The following KLRG1 variants were observed in gnomAD, a reference collection of about 807,000 sequenced individuals.
The protein encoded by KLRG1 is killer cell lectin like receptor G1.
A neutral mutation model predicts 21.8 loss-of-function variants in KLRG1; 16 were observed. The ratio of observed to expected loss-of-function variants is 0.73; its 90% CI spans 0.50 to 1.11. KLRG1 has a LOEUF of 1.11. Among genes scored for constraint, KLRG1 ranks in the 50% most tolerant of loss-of-function variants. KLRG1 has a pLI of 0.00. For synonymous variants in KLRG1, 69 were observed against 75.9 expected (o/e 0.91, Z 0.47); for missense variants, 173 against 218.3 (o/e 0.79, Z 1.31).
chr12:9,160,031 A>C, the KLRG1 span: 1 of 1,611,222 alleles, frequency 6.2e-7, no homozygotes, highest in Non-Finnish European at 8.5e-7. Flanking sequence ...GTAACCTGAA[A>C]TGGAAGGCTT....
the KLRG1 span, chr12:9,106,452 C>G: frequency 6.9e-7 from 1 of 1,445,884 alleles, no homozygotes; most frequent in Admixed American, 1.8e-5. Context: ...AAAATCAATG[C>G]CTGTTGTGTT....
At chr12:9,160,511 G>A in the KLRG1 span, 4 of 1,602,090 alleles carry the variant, frequency 2.5e-6, no homozygotes, top group Admixed American at 5.2e-5. Context: ...TGAAAGATTA[G>A]ATGTCAGAAT....
the KLRG1 span, among the ~76,000 whole-genome samples, chr12:9,184,407 C>T: frequency 1.3e-5 from 2 of 152,238 alleles, no homozygotes; most frequent in African/African-American, 4.8e-5. Flanking sequence ...GTGCCCCACC[C>T]CCATGCTAAC....
At chr12:9,037,913 A>G in the KLRG1 span, among the ~76,000 whole-genome samples, 4 of 152,224 alleles carry the variant, frequency 2.6e-5, no homozygotes, top group African/African-American at 4.8e-5. Flanking sequence ...GCACAAAAAC[A>G]AAGTTGCTTA....
At chr12:9,190,488 C>T in the KLRG1 span, among the ~76,000 whole-genome samples, 1,724 of 151,946 alleles carry the variant, frequency 0.011, 17 homozygotes, top group South Asian at 0.03. Context: ...ACAGTGGGGC[C>T]TATCTGAGGG....
At chr12:8,979,606 C>G (rs773900956) in intron 1 of KLRG1, among the ~76,000 whole-genome samples, 1 of 152,202 alleles carries the variant, frequency 6.6e-6, no homozygotes, top group Non-Finnish European at 1.5e-5. Flanking sequence ...CTATGTTCTT[C>G]CCTCAATTTG....
chr12:9,028,991 A>G, the KLRG1 span: 1 of 611,818 alleles, frequency 1.6e-6, no homozygotes, highest in Non-Finnish European at 3.1e-6. Flanking sequence ...ATTGCTCACA[A>G]TGGCTCTTCA....
the KLRG1 span, among the ~76,000 whole-genome samples, chr12:9,043,558 T>C: frequency 3.3e-5 from 5 of 152,378 alleles, no homozygotes; most frequent in Non-Finnish European, 5.9e-5. Flanking sequence ...GTGCATTTTG[T>C]ATGTGGGAGA....
the KLRG1 span, among the ~76,000 whole-genome samples, chr12:9,030,266 A>AT: frequency 2.6e-5 from 4 of 151,966 alleles, no homozygotes; most frequent in Non-Finnish European, 4.4e-5. Context: ...CAAAGAAGCT[A>AT]TTTTTTGGGT....
the KLRG1 span, chr12:9,077,430 C>CGA: frequency 2.9e-5 from 46 of 1,608,276 alleles, no homozygotes; most frequent in Non-Finnish European, 3.7e-5. Context: ...CCTGTGAATA[C>CGA]GAGAGAGAGA....
chr12:9,124,376 A>G, the KLRG1 span, among the ~76,000 whole-genome samples: 22 of 151,930 alleles, frequency 1.4e-4, no homozygotes, highest in Admixed American at 1.3e-3. Flanking sequence ...CTCCTGCTCT[A>G]TGGAGCAGGT....
chr12:9,149,708 G>T, the KLRG1 span: 1 of 995,424 alleles, frequency 1.0e-6, no homozygotes, highest in South Asian at 1.9e-5. Flanking sequence ...CGCCCTATCA[G>T]AATTGTCAAA....
chr12:9,089,381 A>G, the KLRG1 span: 1 of 707,636 alleles, frequency 1.4e-6, no homozygotes, highest in Non-Finnish European at 2.5e-6. Flanking sequence ...AAAATTCTGT[A>G]CATATAAGCA....
At chr12:8,954,269 G>A (rs183719988) in intron 1 of KLRG1, among the ~76,000 whole-genome samples, 24 of 152,202 alleles carry the variant, frequency 1.6e-4, no homozygotes, top group Admixed American at 5.2e-4. Context: ...ATGGTTACCA[G>A]GGGCGGGGTA....
chr12:9,062,113 A>G, the KLRG1 span, among the ~76,000 whole-genome samples: 1 of 149,420 alleles, frequency 6.7e-6, no homozygotes, highest in Non-Finnish European at 1.5e-5. Context: ...CACCTGACAC[A>G]ATAGATGGAT....
At chr12:9,109,290 C>A in the KLRG1 span, 1 of 1,537,804 alleles carries the variant, frequency 6.5e-7, no homozygotes, top group East Asian at 2.3e-5. Context: ...TAAATAATCC[C>A]CCACAAAAGA....
chr12:8,998,936 G>A (rs1947224938), intron 3 of KLRG1, among the ~76,000 whole-genome samples: 2 of 152,084 alleles, frequency 1.3e-5, no homozygotes, highest in Non-Finnish European at 2.9e-5. Flanking sequence ...GCCCAGGCTG[G>A]TCTTGAACTC....
the KLRG1 span, among the ~76,000 whole-genome samples, chr12:9,206,822 T>C: frequency 6.6e-6 from 1 of 152,156 alleles, no homozygotes; most frequent in South Asian, 2.1e-4. Flanking sequence ...AATGGCAGCA[T>C]GGTCCAATGT....
chr12:9,009,237 CAAA>C (rs112576720), intron 4 of KLRG1, among the ~76,000 whole-genome samples, 162 bp downstream of exon 4: 6 of 107,864 alleles, frequency 5.6e-5, no homozygotes, highest in East Asian at 2.5e-4. Flanking sequence ...TGGGTAAGGG[CAAA>C]AAAAAAAAAA....
Sources: gnomAD v4.1 joint callset for allele counts (sites outside exome capture counted in the v4.1 genomes callset) on GRCh38, gnomAD v4.1.1 for gene constraint, MANE v1.5 for transcripts, NCBI Gene and HGNC (gene_info 2026-07-23, HGNC 2026-07-21) for gene names.